The following MGRN1 variants were observed in gnomAD, a reference collection of about 807,000 sequenced individuals.
MGRN1 encodes mahogunin ring finger 1, also known as E3 ubiquitin-protein ligase MGRN1.
A neutral mutation model predicts 69.2 loss-of-function variants in MGRN1; 29 were observed. The ratio of observed to expected loss-of-function variants is 0.42; its 90% confidence interval spans 0.31 to 0.57. The LOEUF is 0.57. Among genes scored for constraint, MGRN1 ranks in the 20% least tolerant of loss-of-function variants. MGRN1 has a pLI of 0.15. For synonymous variants in MGRN1, 470 were observed against 344.2 expected, an observed-to-expected ratio of 1.37 and a Z score of -4.04; for missense variants, 998 against 796.2, an observed-to-expected ratio of 1.25 and a Z score of -3.05.
At chr16:4,633,720 T>A (rs56096737) in intron 1 of MGRN1, 32,836 of 151,182 alleles carry the variant, frequency 0.22, 3,903 homozygotes, top group African/African-American at 0.31. Context: ...TAAAAAAAAT[T>A]ATTATTATTA....
chr16:4,685,888 C>G (rs750625518), intron 16 of MGRN1, among the ~76,000 whole-genome samples: 1 of 152,178 alleles, frequency 6.6e-6, no homozygotes, highest in South Asian at 2.1e-4. Context: ...ATGGTGAACA[C>G]TGGGGGCCCT....
chr16:4,683,041 G>A, intron 14 of MGRN1, 95 bp downstream of exon 14: 2 of 1,475,754 alleles, frequency 1.4e-6, no homozygotes, highest in Non-Finnish European at 9.0e-7. Context: ...CTGCCCGCCT[G>A]GGCGCCCCCG....
intron 5 of MGRN1, among the ~76,000 whole-genome samples, chr16:4,661,902 T>A (rs28427339): frequency 0.034 from 5,196 of 152,292 alleles, 143 homozygotes; most frequent in African/African-American, 0.07. Context: ...CATTCTGGTC[T>A]GAATGGAACT....
At chr16:4,683,152 T>C in intron 14 of MGRN1, 72 bp from the exon 15 acceptor site, 1 of 1,589,526 alleles carries the variant, frequency 6.3e-7, no homozygotes, top group Non-Finnish European at 8.6e-7. Flanking sequence ...GGGCCGTGCC[T>C]GATGGCGGCT....
chr16:4,656,972 C>T lies in MGRN1; in HGVS notation c.444-274C>T, dbSNP rs933970997. On this transcript the variant is annotated intron_variant, in intron 4 of 16. Coordinates refer to ENST00000262370, the MANE Select transcript of MGRN1 (RefSeq NM_015246.4). The stretch of plus-strand genomic sequence containing the variant: ...GATGGAAAGGAAAAGCACAGCTACA[C>T]TGGGGAGGTATCAAAGGGATTGGGC... Among the ~76,000 whole-genome samples, 7 of 152,194 alleles carry T rather than the reference C, an allele frequency of 4.6e-5. No homozygotes were observed. The East Asian group carries it at 1.3e-3, about 29-fold the overall frequency.
chr16:4,663,728 G>A (rs11860340), intron 5 of MGRN1, among the ~76,000 whole-genome samples: 1 of 152,220 alleles, frequency 6.6e-6, no homozygotes, highest in African/African-American at 2.4e-5. Flanking sequence ...CTGAGGCCCA[G>A]AGAAGGACGT....
chr16:4,642,185 C>T (rs1228587419), intron 1 of MGRN1, among the ~76,000 whole-genome samples: 3 of 149,048 alleles, frequency 2.0e-5, no homozygotes, highest in Non-Finnish European at 4.4e-5. Flanking sequence ...GGCTGGAGTG[C>T]AGTGGCGCGA....
At chr16:4,657,484 A>G (rs575780212) in intron 5 of MGRN1, 121 bp downstream of exon 5, 74 of 947,256 alleles carry the variant, frequency 7.8e-5, no homozygotes, top group African/African-American at 1.6e-4. Context: ...AGACCTGGGA[A>G]CGGCCGCCCC....
chr16:4,641,617 C>G (rs995496636), intron 1 of MGRN1, among the ~76,000 whole-genome samples: 7 of 151,156 alleles, frequency 4.6e-5, no homozygotes, highest in Non-Finnish European at 4.4e-5. Context: ...CTCCCAGGTT[C>G]AAGTGATTCT....
At chr16:4,685,545 AGTTGGCT>A (rs906589347) in intron 16 of MGRN1, among the ~76,000 whole-genome samples, 2 of 152,224 alleles carry the variant, frequency 1.3e-5, no homozygotes, top group African/African-American at 4.8e-5. Flanking sequence ...CCGCTCTTGG[AGTTGGCT>A]GCTGCTGAAT....
intron 10 of MGRN1, among the ~76,000 whole-genome samples, chr16:4,674,120 G>A (rs994444189): frequency 3.3e-5 from 5 of 152,098 alleles, no homozygotes; most frequent in South Asian, 2.1e-4. Context: ...TAGTAGCTGG[G>A]ATTGCAGGCA....
At chr16:4,687,852 C>G (rs1055031942) in intron 16 of MGRN1, 3 of 985,358 alleles carry the variant, frequency 3.0e-6, no homozygotes, top group African/African-American at 1.7e-5. Flanking sequence ...TCTGCATTCC[C>G]ATGAACCTCT....
intron 1 of MGRN1, among the ~76,000 whole-genome samples, chr16:4,638,975 G>A (rs927512837): frequency 6.6e-6 from 1 of 152,160 alleles, no homozygotes. Context: ...TCCCATGGCT[G>A]ACAGTGCAGG....
chr16:4,630,526 C>G (rs1897946292), intron 1 of MGRN1, among the ~76,000 whole-genome samples: 2 of 151,734 alleles, frequency 1.3e-5, no homozygotes, highest in Admixed American at 6.6e-5. Context: ...TCTTAGCTCA[C>G]TGCAGCCTCT....
chr16:4,668,722 A>C (rs2078867520), intron 8 of MGRN1, among the ~76,000 whole-genome samples: 1 of 150,736 alleles, frequency 6.6e-6, no homozygotes, highest in Non-Finnish European at 1.5e-5. Flanking sequence ...ACTCACTCAC[A>C]TATACATAGA....
intron 1 of MGRN1, among the ~76,000 whole-genome samples, chr16:4,644,316 T>G (rs1332323677): frequency 6.7e-6 from 1 of 149,364 alleles, no homozygotes; most frequent in Admixed American, 6.7e-5. Flanking sequence ...TTTTTTTTTT[T>G]TTTTTTTTTT....
At chr16:4,625,753 T>C (rs903526069) in intron 1 of MGRN1, among the ~76,000 whole-genome samples, 2 of 152,202 alleles carry the variant, frequency 1.3e-5, no homozygotes, top group Admixed American at 1.3e-4. Flanking sequence ...TGTTCCCAGC[T>C]CTCTTTCTGC....
chr16:4,640,151 C>G (rs2078126095), intron 1 of MGRN1: 1 of 152,368 alleles, frequency 6.6e-6, no homozygotes, highest in South Asian at 2.1e-4. Flanking sequence ...CACTGTGTAC[C>G]ACAAGATATT....
chr16:4,680,356 G>A (rs543402676), intron 12 of MGRN1: 50 of 472,270 alleles, frequency 1.1e-4, no homozygotes, highest in South Asian at 2.6e-4. Flanking sequence ...CCCCCGTGCC[G>A]TTTCCCTTTT....
Sources: allele counts gnomAD v4.1 joint callset (sites outside exome capture counted in the v4.1 genomes callset), GRCh38; gene constraint gnomAD v4.1.1; transcripts MANE v1.5; gene names NCBI Gene and HGNC (gene_info 2026-07-23, HGNC 2026-07-21).